Variants in CNBD1 observed in about 807,000 individuals in gnomAD.
CNBD1 encodes cyclic nucleotide binding domain containing 1.
CNBD1 carries 71 observed loss-of-function variants against 54.4 expected under a neutral mutation model. The observed-to-expected ratio is 1.30, with a 90% CI of 1.08 to 1.59. The LOEUF is 1.59. Ranked by LOEUF, CNBD1 falls within the 40% of genes most tolerant of loss-of-function variation. The probability of loss-of-function intolerance (pLI) is 0.00; values close to 1 mark genes in which losing one functional copy is unlikely to be tolerated. For synonymous variants in CNBD1, 182 were observed against 170.7 expected, an observed-to-expected ratio of 1.07 and a Z score of -0.51; for missense variants, 659 against 518.0, an observed-to-expected ratio of 1.27 and a Z score of -2.64.
intron 6 of CNBD1, among the ~76,000 whole-genome samples, chr8:87,268,902 G>T (rs1489397388): frequency 6.6e-6 from 1 of 151,954 alleles, no homozygotes; most frequent in African/African-American, 2.4e-5. Context: ...AGTTTCTTTT[G>T]TTGTGTAGAA....
intron 4 of CNBD1, among the ~76,000 whole-genome samples, chr8:87,119,691 CATTA>C (rs1430112468): frequency 1.3e-5 from 2 of 152,020 alleles, no homozygotes; most frequent in Non-Finnish European, 2.9e-5. Flanking sequence ...AGTCCTTTTC[CATTA>C]AATATGATGT....
intron 4 of CNBD1, among the ~76,000 whole-genome samples, chr8:86,994,200 G>C (rs1055986460): frequency 3.3e-5 from 5 of 152,218 alleles, no homozygotes; most frequent in African/African-American, 1.2e-4. Context: ...TCAGGCCATA[G>C]CTCCATCCTT....
chr8:87,116,814 A>G (rs1489378943), intron 4 of CNBD1, among the ~76,000 whole-genome samples: 1 of 152,174 alleles, frequency 6.6e-6, no homozygotes, highest in African/African-American at 2.4e-5. Flanking sequence ...CTATATTAAC[A>G]CTACTCAAAA....
intron 8 of CNBD1, among the ~76,000 whole-genome samples, chr8:87,337,656 C>T (rs1686262461): frequency 2.0e-5 from 3 of 152,282 alleles, no homozygotes; most frequent in Admixed American, 6.5e-5. Context: ...GTGGAAAAAC[C>T]ACAGTTTTCC....
chr8:87,042,945 G>A (rs1438361634), intron 4 of CNBD1, among the ~76,000 whole-genome samples: 3 of 152,110 alleles, frequency 2.0e-5, no homozygotes, highest in Non-Finnish European at 4.4e-5. Flanking sequence ...TATGTGTGCT[G>A]TGTGTGTTGT....
At chr8:87,320,710 T>G (rs1809507166) in intron 8 of CNBD1, among the ~76,000 whole-genome samples, 1 of 152,116 alleles carries the variant, frequency 6.6e-6, no homozygotes, top group Admixed American at 6.6e-5. Flanking sequence ...TGTTTATTTA[T>G]TTTTTACTGT....
downstream of CNBD1, among the ~76,000 whole-genome samples, chr8:87,387,691 G>T (rs1811219252): frequency 6.6e-6 from 1 of 152,240 alleles, no homozygotes; most frequent in Non-Finnish European, 1.5e-5. Flanking sequence ...ACATTAGACA[G>T]ATCAATGAGA....
At chr8:87,153,938 G>C (rs1177434250) in intron 4 of CNBD1, among the ~76,000 whole-genome samples, 3 of 152,124 alleles carry the variant, frequency 2.0e-5, no homozygotes, top group African/African-American at 7.2e-5. Flanking sequence ...AAATTATATG[G>C]GAAGGCCAGA....
rs528901139 is a variant in CNBD1 at position 86,936,510 on chromosome 8, G to A, written c.273-3086G>A. On this transcript the variant is annotated intron_variant, in intron 3 of 10. Transcript: ENST00000518476. ...AATCCCAGCACTTTGAGAGGCAGAG[G>A]TGGGTGGATCACGAGGTCAGGAGAA... Among the ~76,000 whole-genome samples, 6 of 152,268 alleles carry A rather than the reference G, an allele frequency of 3.9e-5. No individual in the cohort carries two copies. The South Asian group carries it at 1.2e-3, about 32-fold the overall frequency.
rs190578420 is a variant in CNBD1 at position 86,992,628 on chromosome 8, C to T, written c.431+52874C>T. ...GTCATTCTTCTGAATCCATGCTTAA[C>T]ATTCCCTTAAGAGCCTCTCATGAGG... On this transcript the variant is annotated intron_variant, in intron 4 of 10. Coordinates refer to ENST00000518476, the MANE Select transcript of CNBD1 (RefSeq NM_173538.3). Among the ~76,000 whole-genome samples the T allele has an allele frequency of 2.0e-3, 304 of 152,188 alleles. 1 individual carries two copies. Among genetic ancestry groups the T allele is most frequent in the Non-Finnish European group, 2.1e-3 (141 of 67,994 alleles).
At chr8:87,187,264 A>T (rs949140984) in intron 4 of CNBD1, among the ~76,000 whole-genome samples, 13 of 152,084 alleles carry the variant, frequency 8.5e-5, no homozygotes, top group African/African-American at 3.1e-4. Context: ...GTATATATTT[A>T]TTCCTATATC....
chr8:87,070,967 T>C (rs1156857957), intron 4 of CNBD1, among the ~76,000 whole-genome samples: 2 of 152,056 alleles, frequency 1.3e-5, no homozygotes, highest in African/African-American at 4.8e-5. Flanking sequence ...TAGGATAATG[T>C]TTACTGTTCT....
At chr8:87,296,907 G>T (rs1808886371) in intron 8 of CNBD1, among the ~76,000 whole-genome samples, 1 of 151,920 alleles carries the variant, frequency 6.6e-6, no homozygotes, top group African/African-American at 2.4e-5. Flanking sequence ...CCAGCGTGGT[G>T]GCTCACGCCT....
intron 5 of CNBD1, among the ~76,000 whole-genome samples, chr8:87,211,614 C>T (rs1432085290): frequency 6.6e-6 from 1 of 152,072 alleles, no homozygotes; most frequent in Non-Finnish European, 1.5e-5. Flanking sequence ...TGGCACCTCC[C>T]CTTATTCTCT....
chr8:86,958,904 G>T lies in CNBD1; in HGVS notation c.431+19150G>T, dbSNP rs187129006. ...AGCTGGTTACTTTACTCATTAGTTG[G>T]TTATTTTACTCATTAGTTGATGCAG... is the stretch of plus-strand genomic sequence containing the variant. On this transcript the variant is annotated intron_variant, in intron 4 of 10. Transcript: ENST00000518476. Among the ~76,000 whole-genome samples, 6 of 152,186 alleles carry T rather than the reference G, an allele frequency of 3.9e-5. No homozygotes were observed. In the East Asian group the frequency reaches 1.2e-3, roughly 29 times the overall value.
chr8:87,073,181 T>A (rs995730619), intron 4 of CNBD1, among the ~76,000 whole-genome samples: 1 of 152,016 alleles, frequency 6.6e-6, no homozygotes, highest in African/African-American at 2.4e-5. Context: ...AAACTGGGTA[T>A]TCTGGCAGTC....
At chr8:87,282,150 A>C (rs1206747048) in intron 6 of CNBD1, among the ~76,000 whole-genome samples, 1 of 151,636 alleles carries the variant, frequency 6.6e-6, no homozygotes, top group Admixed American at 6.6e-5. Flanking sequence ...ATATAATTAA[A>C]TTTGTAATTT....
At position 87,224,256 on chromosome 8, in the gene CNBD1, A is replaced by G. The variant is rs1246513987; in HGVS notation, c.578-12663A>G. Among the ~76,000 whole-genome samples the G allele has an allele frequency of 5.4e-5, 8 of 149,392 alleles. No homozygotes were observed. The East Asian group carries it at 7.9e-4, about 15-fold the overall frequency. On this transcript the variant is annotated intron_variant, in intron 5 of 10. Coordinates refer to ENST00000518476, the MANE Select transcript of CNBD1 (RefSeq NM_173538.3). ...AAGCTCTTTAGTTTAATTAGATCCC[A>G]TTTGTCAATTTTGTCTTTTGTTGCC...
At chr8:87,261,297 A>T (rs1448238070) in intron 6 of CNBD1, among the ~76,000 whole-genome samples, 1 of 152,108 alleles carries the variant, frequency 6.6e-6, no homozygotes, top group African/African-American at 2.4e-5. Flanking sequence ...ATCAATGGAC[A>T]CAAATGGGTC....
Sources: gnomAD v4.1 joint callset for allele counts (sites outside exome capture counted in the v4.1 genomes callset) on GRCh38, gnomAD v4.1.1 for gene constraint, MANE v1.5 for transcripts, NCBI Gene and HGNC (gene_info 2026-07-23, HGNC 2026-07-21) for gene names.